Variants in PRKN observed in about 807,000 individuals in gnomAD.
The protein encoded by PRKN is parkin RBR E3 ubiquitin protein ligase, also known as E3 ubiquitin-protein ligase parkin.
In PRKN, 56 loss-of-function variants were observed where a neutral mutation model predicts 59.5. The observed-to-expected ratio is 0.94, with a 90% CI of 0.76 to 1.18. The LOEUF (loss-of-function observed/expected upper bound fraction) is 1.18, where lower values mean the gene tolerates loss of function less well. Among genes scored for constraint, PRKN ranks in the 50% most tolerant of loss-of-function variants. The probability of loss-of-function intolerance (pLI) is 0.00; values close to 1 mark genes in which losing one functional copy is unlikely to be tolerated. For missense variants in PRKN, 657 were observed against 596.4 expected (o/e 1.10, Z -1.06); for synonymous variants, 250 against 222.1 (o/e 1.13, Z -1.12).
At chr6:162,704,093 G>C (rs1778254644) in intron 1 of PRKN, among the ~76,000 whole-genome samples, 1 of 152,172 alleles carries the variant, frequency 6.6e-6, no homozygotes, top group Admixed American at 6.5e-5. Flanking sequence ...TACCCGCTGA[G>C]CCTCAGTGAA....
chr6:161,433,923 A>G (rs1788764719), intron 9 of PRKN, among the ~76,000 whole-genome samples: 1 of 152,036 alleles, frequency 6.6e-6, no homozygotes, highest in Non-Finnish European at 1.5e-5. Context: ...AGGCTGAGAG[A>G]GGAGAATTAT....
intron 9 of PRKN, among the ~76,000 whole-genome samples, chr6:161,421,558 GT>G (rs1788108889): frequency 3.3e-5 from 5 of 152,178 alleles, no homozygotes. Context: ...CTTTCCCCAT[GT>G]AGCATTAACG....
At chr6:162,078,617 T>C (rs188223284) in intron 4 of PRKN, among the ~76,000 whole-genome samples, 29 of 152,228 alleles carry the variant, frequency 1.9e-4, no homozygotes, top group African/African-American at 6.7e-4. Flanking sequence ...AAAAGCCACT[T>C]TTCTGGGCAA....
In PRKN at chr6:161,900,910, T is replaced by TTATATATATATA. The variant is rs377407497; in HGVS notation, c.734+72391_734+72392insTATATATATATA. On this transcript the variant is annotated intron_variant, in intron 6 of 11. Coordinates refer to ENST00000366898, the MANE Select transcript of PRKN (RefSeq NM_004562.3). ...TATTATATATAACACATATGTTAAA[T>TTATATATATATA]TGTATATATATATATATATTTTTTA... Among the ~76,000 whole-genome samples the TTATATATATATA allele has an allele frequency of 6.7e-4, 93 of 138,728 alleles. 3 individuals are homozygous for TTATATATATATA. In the East Asian group the frequency reaches 0.013, roughly 20 times the overall value. The allele number at this position is 138,728 out of a possible 152,430, so 91.0% of individuals were successfully genotyped here. A position where few individuals can be genotyped will look rare whatever the true frequency, so the allele number is the denominator to read the frequency against.
At chr6:162,671,748 T>C (rs1333981848) in intron 1 of PRKN, among the ~76,000 whole-genome samples, 8 of 150,854 alleles carry the variant, frequency 5.3e-5, no homozygotes, top group Non-Finnish European at 1.0e-4. Context: ...ATTAAAATAT[T>C]GAATATAAAA....
In PRKN at chr6:161,538,761, C is replaced by G. The variant is rs1004406965; in HGVS notation, c.1083+10093G>C. Reference sequence around the variant, plus strand: ...CTGGCTGGTCTTTACCCAAGAAAAGCCCTATTACCTCCCAGGAGCTTGTAG... The same window carrying G: ...CTGGCTGGTCTTTACCCAAGAAAAGGCCTATTACCTCCCAGGAGCTTGTAG... On this transcript the variant is annotated intron_variant, in intron 9 of 11. Transcript: ENST00000366898. This position sits in a 1 kb window ranked among gnomAD's most constrained non-coding sequence, Gnocchi z 4.2. Among the ~76,000 whole-genome samples, 7 of 152,146 alleles carry G rather than the reference C, an allele frequency of 4.6e-5. No homozygotes were observed. Among genetic ancestry groups the G allele is most frequent in the African/African-American group, 1.7e-4 (7 of 41,428 alleles).
chr6:162,700,058 A>G (rs1196016493), intron 1 of PRKN, among the ~76,000 whole-genome samples: 1 of 152,170 alleles, frequency 6.6e-6, no homozygotes, highest in Non-Finnish European at 1.5e-5. Context: ...TTCCATGTTC[A>G]TTAAAATCAT....
At chr6:162,398,911 T>C (rs1261596963) in intron 2 of PRKN, among the ~76,000 whole-genome samples, 4 of 152,190 alleles carry the variant, frequency 2.6e-5, no homozygotes, top group Non-Finnish European at 5.9e-5. Context: ...TAATTTACCA[T>C]ACAGACTCAA....
chr6:161,852,991 G>C (rs538140038), intron 6 of PRKN, among the ~76,000 whole-genome samples: 1 of 152,240 alleles, frequency 6.6e-6, no homozygotes, highest in African/African-American at 2.4e-5. Context: ...ACCATGGCCT[G>C]TTTTTATGTT....
chr6:162,519,030 T>C (rs1449671993), intron 1 of PRKN, among the ~76,000 whole-genome samples: 1 of 151,954 alleles, frequency 6.6e-6, no homozygotes. Flanking sequence ...ATTAACCAGG[T>C]GTGGTGACGC....
intron 2 of PRKN, among the ~76,000 whole-genome samples, chr6:162,393,191 G>A (rs958510017): frequency 6.8e-5 from 5 of 73,790 alleles, no homozygotes; most frequent in Non-Finnish European, 1.3e-4. Flanking sequence ...ACAGAGTCTC[G>A]CTCTGTTGCC....
At chr6:161,826,567 C>T (rs976343035) in intron 6 of PRKN, among the ~76,000 whole-genome samples, 17 of 152,134 alleles carry the variant, frequency 1.1e-4, no homozygotes, top group African/African-American at 4.1e-4. Flanking sequence ...CCATTTTTCT[C>T]CTATGGAAGG....
chr6:162,711,496 A>G (rs1386249427), intron 1 of PRKN, among the ~76,000 whole-genome samples: 1 of 151,444 alleles, frequency 6.6e-6, no homozygotes, highest in Non-Finnish European at 1.5e-5. Flanking sequence ...GATGCCACCA[A>G]CAGCATCTCC....
intron 1 of PRKN, among the ~76,000 whole-genome samples, chr6:162,562,493 G>C (rs971457538): frequency 6.6e-6 from 1 of 152,142 alleles, no homozygotes; most frequent in African/African-American, 2.4e-5. Context: ...TCCCAGACCA[G>C]GTGGCATTCA....
intron 9 of PRKN, among the ~76,000 whole-genome samples, chr6:161,481,909 A>AAGGG (rs1337832630): frequency 6.7e-6 from 1 of 149,334 alleles, no homozygotes; most frequent in African/African-American, 2.4e-5. Context: ...AGAAGGAAGG[A>AAGGG]AGGGAGGGAG....
intron 9 of PRKN, among the ~76,000 whole-genome samples, chr6:161,424,276 G>A (rs906039348): frequency 4.0e-5 from 6 of 149,106 alleles, no homozygotes; most frequent in Non-Finnish European, 8.9e-5. Flanking sequence ...GACAGTGGTT[G>A]CAGTGAGCCG....
intron 6 of PRKN, among the ~76,000 whole-genome samples, chr6:161,845,589 G>A (rs199550283): frequency 5.9e-5 from 9 of 152,050 alleles, no homozygotes; most frequent in Admixed American, 1.3e-4. Context: ...AGCCAGGGTC[G>A]GTTAAATTCA....
Position 162,562,001 on chromosome 6 carries a change from CCAGGCTG to C in PRKN, c.8-118535_8-118529del, listed in dbSNP as rs1258901119. Among the ~76,000 whole-genome samples the C allele has an allele frequency of 1.4e-4, 22 of 152,230 alleles. 1 individual carries two copies. The Middle Eastern group carries it at 0.014, about 94-fold the overall frequency. On this transcript the variant is annotated intron_variant, in intron 1 of 11. Coordinates refer to ENST00000366898, the MANE Select transcript of PRKN (RefSeq NM_004562.3). Reference sequence around the variant, plus strand: ...TGCTGGCATCACTGCTCCCCTAATCCCAGGCTGCACAGTTCTCAGCTCCAGAAAAGAC... The same window carrying C: ...TGCTGGCATCACTGCTCCCCTAATCCCACAGTTCTCAGCTCCAGAAAAGAC...
At chr6:162,458,071 C>T (rs934695911) in intron 1 of PRKN, among the ~76,000 whole-genome samples, 6 of 151,126 alleles carry the variant, frequency 4.0e-5, no homozygotes, top group South Asian at 4.2e-4. Flanking sequence ...CTGGCCAACA[C>T]GGTTAAACCC....
Sources: gnomAD v4.1 joint callset for allele counts (sites outside exome capture counted in the v4.1 genomes callset) on GRCh38, gnomAD v4.1.1 for gene constraint, Gnocchi (gnomAD v3.1) non-coding constraint, MANE v1.5 for transcripts, NCBI Gene and HGNC (gene_info 2026-07-23, HGNC 2026-07-21) for gene names.